Variants in ATF6 observed in about 807,000 individuals in gnomAD.
ATF6 encodes the protein activating transcription factor 6, also known as cyclic AMP-dependent transcription factor ATF-6 alpha.
Under a neutral mutation model 83.6 loss-of-function variants are expected in ATF6, and 53 were observed. The ratio of observed to expected loss-of-function variants is 0.63; its 90% confidence interval spans 0.51 to 0.80. The LOEUF (loss-of-function observed/expected upper bound fraction) is 0.80. ATF6 is among the 30% of genes least tolerant of loss of function. ATF6 has a pLI of 0.00. For synonymous variants in ATF6, 288 were observed against 285.8 expected, an observed-to-expected ratio of 1.01 and a Z score of -0.08; for missense variants, 744 against 797.9, an observed-to-expected ratio of 0.93 and a Z score of 0.81.
intron 6 of ATF6, among the ~76,000 whole-genome samples, chr1:161,792,567 G>A (rs1684908524): frequency 6.6e-6 from 1 of 152,122 alleles, no homozygotes; most frequent in South Asian, 2.1e-4. Flanking sequence ...CTTTCTTGGT[G>A]CCATTTTATT....
chr1:161,776,278 G>C (rs1312779115), intron 1 of ATF6, among the ~76,000 whole-genome samples: 1 of 152,140 alleles, frequency 6.6e-6, no homozygotes, highest in African/African-American at 2.4e-5. Flanking sequence ...TTTTCCATCT[G>C]CTACTCCATT....
chr1:161,858,683 C>T (rs1686816454), intron 12 of ATF6, among the ~76,000 whole-genome samples: 1 of 152,196 alleles, frequency 6.6e-6, no homozygotes, highest in Non-Finnish European at 1.5e-5. Context: ...TTTTAACATC[C>T]TCTCATTTCT....
chr1:161,851,254 AC>A lies in ATF6; in HGVS notation c.1320-467del, dbSNP rs1557995006. On this transcript the variant is annotated intron_variant, in intron 10 of 15. Coordinates refer to ENST00000367942, the MANE Select transcript of ATF6 (RefSeq NM_007348.4). ...CCTTAACACACACACACACACACAC[AC>A]ACACACACACACACACACACCCCTA... Among the ~76,000 whole-genome samples the A allele has an allele frequency of 1.7e-3, 244 of 147,836 alleles. 8 individuals are homozygous for A. Among genetic ancestry groups the A allele is most frequent in the South Asian group, 4.6e-3 (21 of 4,604 alleles).
At chr1:161,790,171 T>C (rs529705766) in intron 4 of ATF6, among the ~76,000 whole-genome samples, 24 of 152,318 alleles carry the variant, frequency 1.6e-4, no homozygotes, top group African/African-American at 5.8e-4. Flanking sequence ...TGTTAAATAG[T>C]TTACTTATTA....
chr1:161,778,342 A>G, intron 2 of ATF6, 22 bp downstream of exon 2: 1 of 1,579,398 alleles, frequency 6.3e-7, no homozygotes, highest in Non-Finnish European at 8.7e-7. Context: ...CTAAGGTTGA[A>G]TAATGTGATA....
At chr1:161,769,027 G>A (rs570416735) in intron 1 of ATF6, among the ~76,000 whole-genome samples, 1 of 152,184 alleles carries the variant, frequency 6.6e-6, no homozygotes, top group South Asian at 2.1e-4. Context: ...TTTTAACTTA[G>A]GTAATGAAAT....
At chr1:161,897,699 G>A (rs12124509) in intron 14 of ATF6, among the ~76,000 whole-genome samples, 74,489 of 152,070 alleles carry the variant, frequency 0.49, 22,302 homozygotes, top group Non-Finnish European at 0.66. Context: ...TAACTGAGAT[G>A]TGCTGTAAGT....
chr1:161,920,290 C>CTTTTTTTT (rs1571237665), intron 15 of ATF6, among the ~76,000 whole-genome samples: 2 of 25,156 alleles, frequency 8.0e-5, no homozygotes, highest in African/African-American at 1.8e-4. Context: ...CTCTCTCTCT[C>CTTTTTTTT]TCTCTTTTTT....
chr1:161,880,708 T>G (rs1362663364), intron 14 of ATF6, among the ~76,000 whole-genome samples: 1 of 152,186 alleles, frequency 6.6e-6, no homozygotes, highest in East Asian at 1.9e-4. Context: ...TGTGACTATT[T>G]GTGTACAAGT....
chr1:161,811,680 A>G (rs1428186609), intron 7 of ATF6, among the ~76,000 whole-genome samples: 1 of 151,628 alleles, frequency 6.6e-6, no homozygotes, highest in African/African-American at 2.4e-5. Flanking sequence ...CCATCCATCC[A>G]TCCATCCACT....
intron 15 of ATF6, among the ~76,000 whole-genome samples, chr1:161,931,625 A>C (rs1473797164): frequency 1.3e-5 from 2 of 151,224 alleles, no homozygotes; most frequent in African/African-American, 2.4e-5. Flanking sequence ...CCCTTTCCCC[A>C]CTCCAGTAAT....
intron 1 of ATF6, among the ~76,000 whole-genome samples, chr1:161,766,754 G>T (rs1445995519): frequency 6.6e-6 from 1 of 152,226 alleles, no homozygotes; most frequent in Non-Finnish European, 1.5e-5. Context: ...GAGCAAAATG[G>T]CTGGGACCGC....
At position 161,792,062 on chromosome 1, in the gene ATF6, G is replaced by A; in HGVS notation, c.485-62G>A. ...TAGAGAAAGGTGTGTGATAGAATCT[G>A]TTTTTTAGGGCTTGCGTAATTGCTT... On this transcript the variant is annotated intron_variant, in intron 5 of 15. Transcript: ENST00000367942. 2.1e-6 allele frequency: 3 copies of A among 1,427,368 alleles called. No homozygotes were observed. The South Asian group carries it at 3.5e-5, about 17-fold the overall frequency. The allele number at this position is 1,427,368 out of a possible 1,614,324, so 88.4% of individuals were successfully genotyped here.
At chr1:161,922,692 G>GC (rs1688235086) in intron 15 of ATF6, among the ~76,000 whole-genome samples, 1 of 151,838 alleles carries the variant, frequency 6.6e-6, no homozygotes, top group South Asian at 2.1e-4. Flanking sequence ...AAGATTCCAA[G>GC]AAGAGGGAGC....
chr1:161,922,781 A>G (rs985917232), intron 15 of ATF6, among the ~76,000 whole-genome samples: 1 of 152,084 alleles, frequency 6.6e-6, no homozygotes. Flanking sequence ...AGGCTAGAGT[A>G]GGACCCAGTA....
At chr1:161,902,785 G>A (rs936389630) in intron 14 of ATF6, among the ~76,000 whole-genome samples, 2 of 152,148 alleles carry the variant, frequency 1.3e-5, no homozygotes, top group Non-Finnish European at 2.9e-5. Context: ...CATTTATAAA[G>A]GGTAACGATA....
Position 161,847,591 on chromosome 1 carries a change from T to C in ATF6, c.1319+1011T>C, listed in dbSNP as rs114863361. Among the ~76,000 whole-genome samples the C allele has an allele frequency of 2.9e-3, 440 of 152,266 alleles. 4 individuals carry two copies. The highest frequency in any genetic ancestry group is 0.01 in the African/African-American group (420 of 41,562). On this transcript the variant is annotated intron_variant, in intron 10 of 15. Coordinates refer to ENST00000367942, the MANE Select transcript of ATF6 (RefSeq NM_007348.4). ...TTCCTGCTTTTTTACATGCCAAAAT[T>C]CATCATACTTCTTAAAATATTCACC...
intron 14 of ATF6, among the ~76,000 whole-genome samples, chr1:161,908,985 A>G (rs574988875): frequency 2.1e-4 from 32 of 152,330 alleles, no homozygotes; most frequent in African/African-American, 7.2e-4. Flanking sequence ...TCCTGTCCTT[A>G]ATTAACCATT....
intron 9 of ATF6, among the ~76,000 whole-genome samples, chr1:161,843,585 A>C: frequency 6.6e-6 from 1 of 152,164 alleles, no homozygotes; most frequent in Non-Finnish European, 1.5e-5. Flanking sequence ...TTGAGCTTCA[A>C]CTTCCTTTGA....
Sources: gnomAD v4.1 joint callset for allele counts (sites outside exome capture counted in the v4.1 genomes callset) on GRCh38, gnomAD v4.1.1 for gene constraint, MANE v1.5 for transcripts, NCBI Gene and HGNC (gene_info 2026-07-23, HGNC 2026-07-21) for gene names.